XPR1: variants seen among roughly 807,000 people sequenced by gnomAD.
XPR1 encodes xenotropic and polytropic retrovirus receptor 1, also known as solute carrier family 53 member 1.
In XPR1, 28 loss-of-function variants were observed where a neutral mutation model predicts 87.5. The observed-to-expected ratio is 0.32, with a 90% CI of 0.24 to 0.44. The LOEUF (loss-of-function observed/expected upper bound fraction) is 0.44. Among genes scored for constraint, XPR1 ranks in the 20% least tolerant of loss-of-function variants. The probability of loss-of-function intolerance (pLI) is 1.00; values close to 1 mark genes in which losing one functional copy is unlikely to be tolerated. For missense variants in XPR1, 559 were observed against 862.3 expected, an observed-to-expected ratio of 0.65 and a Z score of 4.41; for synonymous variants, 300 against 306.1, an observed-to-expected ratio of 0.98 and a Z score of 0.21.
chr1:180,828,422 A>G (rs1234880773), intron 9 of XPR1, among the ~76,000 whole-genome samples: 2 of 152,174 alleles, frequency 1.3e-5, no homozygotes, highest in Non-Finnish European at 2.9e-5. Flanking sequence ...TCAATCAGAA[A>G]TCTAATTAGG....
At chr1:180,633,579 T>C (rs1470839403) in intron 1 of XPR1, among the ~76,000 whole-genome samples, 1 of 152,178 alleles carries the variant, frequency 6.6e-6, no homozygotes, top group Non-Finnish European at 1.5e-5. Flanking sequence ...GTGAAATAAA[T>C]TCACTTGCAA....
intron 2 of XPR1, among the ~76,000 whole-genome samples, chr1:180,730,174 A>G (rs189661645): frequency 2.0e-5 from 3 of 152,056 alleles, no homozygotes; most frequent in Admixed American, 2.0e-4. Context: ...GTTTTTGTCA[A>G]CTTTGTCAAA....
chr1:180,660,766 A>G lies in XPR1; in HGVS notation c.70-21594A>G, dbSNP rs112509582. Among the ~76,000 whole-genome samples the G allele has an allele frequency of 8.0e-3, 1,213 of 152,164 alleles. 10 individuals carry two copies. Among genetic ancestry groups the G allele is most frequent in the Non-Finnish European group, 0.011 (719 of 67,988 alleles). ...TTGAAGACTTATTTTGTGGCCTAAC[A>G]TATGGTCTATCCTTGAGAATGATCC... is the stretch of plus-strand genomic sequence containing the variant. On this transcript the variant is annotated intron_variant, in intron 1 of 14. Transcript: ENST00000367590.
At chr1:180,848,004 A>C (rs532140663) in intron 11 of XPR1, among the ~76,000 whole-genome samples, 1 of 152,286 alleles carries the variant, frequency 6.6e-6, no homozygotes, top group East Asian at 1.9e-4. Flanking sequence ...TATCACACTC[A>C]ATAAAGCTGT....
intron 7 of XPR1, among the ~76,000 whole-genome samples, chr1:180,814,957 AAGGTG>A: frequency 6.6e-6 from 1 of 152,214 alleles, no homozygotes; most frequent in East Asian, 1.9e-4. Flanking sequence ...AAATTGGCCA[AAGGTG>A]AAGGAGAATA....
At chr1:180,855,662 CAA>C (rs1181380970) in intron 11 of XPR1, among the ~76,000 whole-genome samples, 10 of 80,856 alleles carry the variant, frequency 1.2e-4, no homozygotes, top group Admixed American at 1.4e-4. Flanking sequence ...GACTGTGTCT[CAA>C]AAAAAAAAAA....
At chr1:180,712,912 A>G (rs540306763) in intron 2 of XPR1, among the ~76,000 whole-genome samples, 27 of 150,776 alleles carry the variant, frequency 1.8e-4, no homozygotes, top group South Asian at 8.4e-4. Context: ...CTTGAAATCA[A>G]TTAGCATTGT....
intron 2 of XPR1, among the ~76,000 whole-genome samples, chr1:180,768,659 A>G (rs1393063323): frequency 6.6e-6 from 1 of 152,176 alleles, no homozygotes; most frequent in Non-Finnish European, 1.5e-5. Context: ...CCTGAAGAGA[A>G]TTTCATTTAT....
At chr1:180,696,202 GTGTGTGTATATA>G (rs1366619288) in intron 2 of XPR1, among the ~76,000 whole-genome samples, 5 of 106,314 alleles carry the variant, frequency 4.7e-5, no homozygotes, top group African/African-American at 1.7e-4. Flanking sequence ...GTGTGTGTGT[GTGTGTGTATATA>G]TATATATATA....
chr1:180,766,272 A>T (rs1318404319), intron 2 of XPR1, among the ~76,000 whole-genome samples: 1 of 152,208 alleles, frequency 6.6e-6, no homozygotes, highest in Non-Finnish European at 1.5e-5. Context: ...TTTTCTGTAC[A>T]GATTGGTGCT....
intron 9 of XPR1, among the ~76,000 whole-genome samples, chr1:180,827,011 G>A (rs565465845): frequency 4.0e-5 from 6 of 151,898 alleles, no homozygotes; most frequent in African/African-American, 1.4e-4. Context: ...AAAATTAGCC[G>A]AGTGAGGTGG....
In XPR1 at chr1:180,706,839, C is replaced by T. The variant is rs1241894962; in HGVS notation, c.121+24428C>T. Among the ~76,000 whole-genome samples, 5 of 151,974 alleles carry T rather than the reference C, an allele frequency of 3.3e-5. 1 individual carries two copies. The highest frequency in any genetic ancestry group is 4.2e-4 in the South Asian group (2 of 4,814). ...TTTACCATGTTGGCCAGGCTGGTCTCGAACTCCTGACCTCGTGATCTGCCC... is the reference window on the plus strand; with the variant it reads ...TTTACCATGTTGGCCAGGCTGGTCTTGAACTCCTGACCTCGTGATCTGCCC... On this transcript the variant is annotated intron_variant, in intron 2 of 14. Transcript: ENST00000367590.
intron 1 of XPR1, among the ~76,000 whole-genome samples, chr1:180,680,629 C>T (rs1485936847): frequency 6.6e-6 from 1 of 152,142 alleles, no homozygotes; most frequent in Non-Finnish European, 1.5e-5. Context: ...TCCCAAAGTG[C>T]TGGGATTGCA....
chr1:180,801,489 GATATAA>G lies in XPR1; in HGVS notation c.224-1895_224-1890del, dbSNP rs138030554. On this transcript the variant is annotated intron_variant, in intron 3 of 14. Transcript: ENST00000367590. ...TCTTAGATCATAGGAAATACAAGAA[GATATAA>G]ATAGATTATAAAAGTTAAGAAAATG... 9.7e-3 allele frequency among the ~76,000 whole-genome samples: 1,472 copies of G among 152,174 alleles called. 30 individuals are homozygous for G. The highest frequency in any genetic ancestry group is 0.033 in the African/African-American group (1,370 of 41,536).
At chr1:180,728,487 G>A (rs1658437157) in intron 2 of XPR1, among the ~76,000 whole-genome samples, 1 of 152,124 alleles carries the variant, frequency 6.6e-6, no homozygotes, top group African/African-American at 2.4e-5. Context: ...AGACTTAATT[G>A]GACAGATGTA....
chr1:180,743,985 G>C (rs1659002384), intron 2 of XPR1, among the ~76,000 whole-genome samples: 1 of 152,176 alleles, frequency 6.6e-6, no homozygotes, highest in Non-Finnish European at 1.5e-5. Flanking sequence ...AGTTTACTCA[G>C]CTTCTTGAAT....
chr1:180,694,515 C>T (rs1415971474), intron 2 of XPR1, among the ~76,000 whole-genome samples: 3 of 152,120 alleles, frequency 2.0e-5, no homozygotes, highest in Non-Finnish European at 4.4e-5. Flanking sequence ...TAGTTACCTG[C>T]AAAATATTCC....
intron 11 of XPR1, among the ~76,000 whole-genome samples, chr1:180,837,883 T>C: frequency 6.6e-6 from 1 of 152,206 alleles, no homozygotes; most frequent in Non-Finnish European, 1.5e-5. Flanking sequence ...TATTTATGAC[T>C]CCATTTACTA....
At chr1:180,822,145 C>G (rs1305818290) in intron 7 of XPR1, among the ~76,000 whole-genome samples, 1 of 152,174 alleles carries the variant, frequency 6.6e-6, no homozygotes, top group Non-Finnish European at 1.5e-5. Context: ...TGTACAAAAC[C>G]TTCTACAGGC....
Sources: allele counts gnomAD v4.1 joint callset (sites outside exome capture counted in the v4.1 genomes callset), GRCh38; gene constraint gnomAD v4.1.1; transcripts MANE v1.5; gene names NCBI Gene and HGNC (gene_info 2026-07-23, HGNC 2026-07-21).